The following STK32B variants were observed in gnomAD, a reference collection of about 807,000 sequenced individuals.
STK32B encodes serine/threonine-protein kinase 32B.
In STK32B, 43 loss-of-function variants were observed where a neutral mutation model predicts 52.6. The observed-to-expected ratio is 0.82, with a 90% CI of 0.64 to 1.05. STK32B has a LOEUF of 1.05. Among genes scored for constraint, STK32B ranks in the 50% least tolerant of loss-of-function variants. The probability of loss-of-function intolerance (pLI) is 0.00; values close to 1 mark genes in which losing one functional copy is unlikely to be tolerated. For synonymous variants in STK32B, 238 were observed against 204.3 expected, an observed-to-expected ratio of 1.17 and a Z score of -1.41; for missense variants, 621 against 534.6, an observed-to-expected ratio of 1.16 and a Z score of -1.59.
intron 3 of STK32B, among the ~76,000 whole-genome samples, chr4:5,221,682 G>A (rs1361160412): frequency 2.6e-5 from 4 of 151,710 alleles, no homozygotes; most frequent in African/African-American, 4.8e-5. Context: ...ATAGTGAAAC[G>A]CTGTCTCTAC....
chr4:5,235,349 T>A (rs1472299277), intron 3 of STK32B, among the ~76,000 whole-genome samples: 1 of 152,242 alleles, frequency 6.6e-6, no homozygotes, highest in Non-Finnish European at 1.5e-5. Flanking sequence ...CATCATTTAC[T>A]GGCTGTAGGA....
chr4:5,357,086 T>C (rs1205754869), intron 4 of STK32B, among the ~76,000 whole-genome samples: 1 of 123,064 alleles, frequency 8.1e-6, no homozygotes, highest in Non-Finnish European at 1.6e-5. Context: ...CACACACACG[T>C]ATACACACAC....
At chr4:5,345,020 G>A (rs1733355067) in intron 4 of STK32B, among the ~76,000 whole-genome samples, 1 of 151,148 alleles carries the variant, frequency 6.6e-6, no homozygotes, top group African/African-American at 2.4e-5. Flanking sequence ...CAGCCTGGGT[G>A]ACAGTTGAAA....
intron 4 of STK32B, among the ~76,000 whole-genome samples, chr4:5,341,323 C>T (rs1733061654): frequency 6.6e-6 from 1 of 152,192 alleles, no homozygotes; most frequent in Non-Finnish European, 1.5e-5. Context: ...CTCTCCACTA[C>T]ACCTTGTTGC....
chr4:5,319,263 G>A (rs774473718), intron 3 of STK32B, among the ~76,000 whole-genome samples: 1 of 152,132 alleles, frequency 6.6e-6, no homozygotes, highest in Non-Finnish European at 1.5e-5. Context: ...CTAGGACTTT[G>A]CCTCCAGAGC....
chr4:5,490,980 A>C (rs1448980371), intron 11 of STK32B, among the ~76,000 whole-genome samples: 12 of 152,126 alleles, frequency 7.9e-5, no homozygotes, highest in Admixed American at 6.5e-4. Flanking sequence ...TCATTGTTGG[A>C]CATTTGGGTT....
chr4:5,456,736 C>A (rs1326936472), intron 7 of STK32B, 71 bp from the exon 8 acceptor site: 5 of 1,307,404 alleles, frequency 3.8e-6, no homozygotes, highest in Non-Finnish European at 5.3e-6. Flanking sequence ...CATAATCATA[C>A]AATCTTAAAA....
chr4:5,163,669 C>G (rs942929528), intron 2 of STK32B, among the ~76,000 whole-genome samples: 1 of 152,010 alleles, frequency 6.6e-6, no homozygotes, highest in African/African-American at 2.4e-5. Flanking sequence ...AAAGAATGCC[C>G]TTGCAGGCTT....
the STK32B span, among the ~76,000 whole-genome samples, chr4:5,043,313 A>G: frequency 1.3e-5 from 2 of 152,170 alleles, no homozygotes; most frequent in Non-Finnish European, 2.9e-5. Context: ...TGTGGATATT[A>G]GAGCTCTACT....
chr4:5,161,734 TCATCCGCCAAA>T (rs1718461247), intron 2 of STK32B, among the ~76,000 whole-genome samples: 1 of 152,154 alleles, frequency 6.6e-6, no homozygotes, highest in Admixed American at 6.5e-5. Flanking sequence ...GTAAAAAGCT[TCATCCGCCAAA>T]CATAGTCTTC....
intron 3 of STK32B, among the ~76,000 whole-genome samples, chr4:5,312,561 T>C (rs1411439128): frequency 3.9e-5 from 6 of 152,036 alleles, no homozygotes; most frequent in Admixed American, 3.9e-4. Flanking sequence ...CTTCCGATAG[T>C]TTACTGAGAG....
chr4:5,079,820 A>G (rs946885588), intron 1 of STK32B, among the ~76,000 whole-genome samples: 2 of 152,184 alleles, frequency 1.3e-5, no homozygotes, highest in Non-Finnish European at 2.9e-5. Flanking sequence ...TACAACATGA[A>G]TGAAACTGAT....
intron 3 of STK32B, among the ~76,000 whole-genome samples, chr4:5,220,700 G>A (rs1383060315): frequency 1.3e-5 from 2 of 152,146 alleles, no homozygotes; most frequent in African/African-American, 2.4e-5. Flanking sequence ...TTTTAAGTAG[G>A]GAGAGAGACA....
intron 1 of STK32B, among the ~76,000 whole-genome samples, chr4:5,093,865 A>G (rs1032269889): frequency 2.0e-5 from 3 of 152,210 alleles, no homozygotes; most frequent in African/African-American, 7.2e-5. Context: ...TGAGACCTAT[A>G]CAAAGTGCTA....
chr4:5,490,500 A>C (rs1719630347), intron 11 of STK32B, among the ~76,000 whole-genome samples: 1 of 152,142 alleles, frequency 6.6e-6, no homozygotes, highest in African/African-American at 2.4e-5. Context: ...GAATAATGTG[A>C]CTAAATTATG....
At chr4:5,197,403 C>T (rs1196651042) in intron 3 of STK32B, among the ~76,000 whole-genome samples, 2 of 152,236 alleles carry the variant, frequency 1.3e-5, no homozygotes, top group Non-Finnish European at 2.9e-5. Flanking sequence ...GCTGCTGCAG[C>T]AAGAGTCAGG....
chr4:5,462,376 G>C (rs1289996537), intron 9 of STK32B, among the ~76,000 whole-genome samples: 1 of 152,028 alleles, frequency 6.6e-6, no homozygotes, highest in Admixed American at 6.6e-5. Context: ...GTCTGTGTGT[G>C]CCTGTGCATC....
chr4:5,193,743 G>A (rs1577171821), intron 3 of STK32B, among the ~76,000 whole-genome samples: 3 of 152,178 alleles, frequency 2.0e-5, no homozygotes, highest in Non-Finnish European at 2.9e-5. Flanking sequence ...GTGATGACAC[G>A]AGGGCCATTG....
chr4:5,462,025 A>G (rs1473195026), intron 9 of STK32B, among the ~76,000 whole-genome samples: 2 of 152,026 alleles, frequency 1.3e-5, no homozygotes, highest in African/African-American at 4.8e-5. Flanking sequence ...TGTTCTCCCA[A>G]TATAATTATT....
Sources: gnomAD v4.1 joint callset for allele counts (sites outside exome capture counted in the v4.1 genomes callset) on GRCh38, gnomAD v4.1.1 for gene constraint, MANE v1.5 for transcripts, NCBI Gene and HGNC (gene_info 2026-07-23, HGNC 2026-07-21) for gene names.